Variants in CCS observed in about 807,000 individuals in gnomAD.
CCS encodes copper chaperone for superoxide dismutase, also known as superoxide dismutase copper chaperone.
Under a neutral mutation model 35.5 loss-of-function variants are expected in CCS, and 32 were observed. That is an observed-to-expected ratio of 0.90 (90% CI 0.68 to 1.21). The LOEUF (loss-of-function observed/expected upper bound fraction) is 1.21. Ranked by LOEUF, CCS falls within the 50% of genes most tolerant of loss-of-function variation. CCS has a pLI of 0.00. For missense variants in CCS, 342 were observed against 375.4 expected (o/e 0.91, Z 0.73); for synonymous variants, 130 against 147.2 (o/e 0.88, Z 0.84).
chr11:66,599,254 G>A lies in CCS; in HGVS notation c.250+1G>A, dbSNP rs746825506. 1.5e-5 allele frequency: 24 copies of A among 1,599,508 alleles called. No individual in the cohort carries two copies. Among genetic ancestry groups the A allele is most frequent in the Middle Eastern group, 1.7e-4 (1 of 5,980 alleles). ...AAGGGCATGGGCAGCGGCCAGTTGC[G>A]TGAGTGACCACTGTGGCCTTGGCCC... is the stretch of plus-strand genomic sequence containing the variant. On this transcript the variant is annotated splice_donor_variant, in intron 3 of 7. Transcript: ENST00000533244. LOFTEE classifies it high-confidence loss of function.
Position 66,605,701 on chromosome 11 carries a change from G to C in CCS, c.672-1G>C, listed in dbSNP as rs1172053810. On this transcript the variant is annotated splice_acceptor_variant, in intron 7 of 7. Coordinates refer to ENST00000533244, the MANE Select transcript of CCS (RefSeq NM_005125.2). LOFTEE classifies it high-confidence loss of function. ...ACCCCTGACCACACATTCTTCTGCA[G>C]GTTGGCCTGTGGCATCATTGCACGC... The C allele has an allele frequency of 1.9e-6, 3 of 1,581,432 alleles. No homozygotes were observed. The South Asian group carries it at 3.4e-5, about 18-fold the overall frequency.
chr11:66,597,751 CAAA>C (rs1313468590), intron 2 of CCS, among the ~76,000 whole-genome samples: 1 of 122,110 alleles, frequency 8.2e-6, no homozygotes. Flanking sequence ...GACTCTGTCT[CAAA>C]AAAAAAAAAA....
intron 5 of CCS, among the ~76,000 whole-genome samples, 154 bp downstream of exon 5, chr11:66,600,703 C>T (rs182307726): frequency 6.6e-4 from 101 of 152,298 alleles, no homozygotes; most frequent in South Asian, 1.5e-3. Context: ...CATTTGTTGA[C>T]ACTTTCTGTG....
chr11:66,604,349 G>A (rs1286834700), intron 5 of CCS, among the ~76,000 whole-genome samples: 1 of 152,210 alleles, frequency 6.6e-6, no homozygotes, highest in East Asian at 1.9e-4. Context: ...ACCAGGTGCA[G>A]GCAGCAGATA....
At chr11:66,602,619 T>C (rs1453845797) in intron 5 of CCS, among the ~76,000 whole-genome samples, 1 of 152,186 alleles carries the variant, frequency 6.6e-6, no homozygotes, top group Non-Finnish European at 1.5e-5. Flanking sequence ...GAAGTAGGCA[T>C]TGAAGAGGGT....
intron 5 of CCS, among the ~76,000 whole-genome samples, chr11:66,604,043 TA>T (rs1565062385): frequency 8.7e-5 from 13 of 149,288 alleles, no homozygotes; most frequent in African/African-American, 2.5e-4. Context: ...AATAAATAAA[TA>T]AATAAATAAA....
intron 1 of CCS, 39 bp downstream of exon 1, chr11:66,593,339 A>G (rs1160087963): frequency 6.7e-7 from 1 of 1,488,308 alleles, no homozygotes; most frequent in Non-Finnish European, 9.0e-7. Context: ...CGCCGGGCAG[A>G]GAGCCTCGGC....
chr11:66,598,516 A>G (rs1394995149), intron 2 of CCS, among the ~76,000 whole-genome samples: 5 of 148,454 alleles, frequency 3.4e-5, no homozygotes, highest in African/African-American at 1.2e-4. Context: ...TCTGTTTCAA[A>G]AAAAAAAAAA....
At chr11:66,597,693 A>G (rs571994773) in intron 2 of CCS, among the ~76,000 whole-genome samples, 5 of 151,862 alleles carry the variant, frequency 3.3e-5, no homozygotes, top group Non-Finnish European at 5.9e-5. Flanking sequence ...TGAAGCTTGC[A>G]GTGAGCCCAG....
chr11:66,603,023 T>C (rs1391173658), intron 5 of CCS, among the ~76,000 whole-genome samples: 1 of 152,246 alleles, frequency 6.6e-6, no homozygotes, highest in Non-Finnish European at 1.5e-5. Flanking sequence ...AGTCTTTACT[T>C]TTCATAGACT....
At position 66,600,473 on chromosome 11, in the gene CCS, T is replaced by C; in HGVS notation, c.429-16T>C. ...GTGAGCTGCTTTCCTGCCCACCTGT[T>C]TCCTTTCTTTCTTAGCTGTGGGAAT... On this transcript the variant is annotated splice_polypyrimidine_tract_variant and intron_variant, in intron 4 of 7. Coordinates refer to ENST00000533244, the MANE Select transcript of CCS (RefSeq NM_005125.2). 6.6e-7 allele frequency: 1 copy of C among 1,507,662 alleles called. No homozygotes were observed. Among genetic ancestry groups the C allele is most frequent in the Non-Finnish European group, 8.9e-7 (1 of 1,122,486 alleles). 93.4% of individuals were successfully genotyped at this position (1,507,662 alleles called of 1,614,324 possible). A position where few individuals can be genotyped will look rare whatever the true frequency, so the allele number is the denominator to read the frequency against.
At chr11:66,600,572 G>A (rs759352362) in intron 5 of CCS, 23 bp downstream of exon 5, 2 of 1,443,646 alleles carry the variant, frequency 1.4e-6, no homozygotes, top group Admixed American at 2.3e-5. Context: ...CTGGGTTTGG[G>A]CTTGGGCTGA....
At chr11:66,601,056 G>A (rs1858564312) in intron 5 of CCS, among the ~76,000 whole-genome samples, 1 of 152,162 alleles carries the variant, frequency 6.6e-6, no homozygotes, top group Non-Finnish European at 1.5e-5. Context: ...CCTTATCTGA[G>A]TACTAGTTGT....
At chr11:66,598,977 A>T in intron 2 of CCS, 139 bp from the exon 3 acceptor site, 1 of 926,212 alleles carries the variant, frequency 1.1e-6, no homozygotes. Flanking sequence ...TCAGGGTTAC[A>T]CAGTTACGAA....
At chr11:66,593,835 A>AAG in intron 2 of CCS, 121 bp downstream of exon 2, 2 of 914,078 alleles carry the variant, frequency 2.2e-6, no homozygotes, top group Non-Finnish European at 3.4e-6. Flanking sequence ...CAGAGAGTGA[A>AAG]AGGCATGTTC....
intron 5 of CCS, among the ~76,000 whole-genome samples, chr11:66,604,018 G>A (rs551634090): frequency 1.7e-4 from 25 of 151,282 alleles, no homozygotes; most frequent in South Asian, 4.2e-4. Context: ...AACAGAGTGA[G>A]ACTCTGTCTC....
chr11:66,603,550 A>C lies in CCS; in HGVS notation c.490-1789A>C, dbSNP rs573483671. ...ACATGGTGAAACCCTGTCTCTATTA[A>C]AAATACAAAAGTTGGGCCGGGCACA... On this transcript the variant is annotated intron_variant, in intron 5 of 7. Coordinates refer to ENST00000533244, the MANE Select transcript of CCS (RefSeq NM_005125.2). Among the ~76,000 whole-genome samples the C allele has an allele frequency of 2.0e-5, 3 of 150,814 alleles. No homozygotes were observed. The South Asian group carries it at 6.3e-4, about 32-fold the overall frequency.
intron 1 of CCS, 105 bp from the exon 2 acceptor site, chr11:66,593,537 G>C (rs1858419359): frequency 8.1e-7 from 1 of 1,230,706 alleles, no homozygotes; most frequent in Admixed American, 2.0e-5. Flanking sequence ...GGTTAAGTGG[G>C]GCTTGTTCCC....
intron 5 of CCS, among the ~76,000 whole-genome samples, chr11:66,600,992 C>T (rs1858563471): frequency 6.6e-6 from 1 of 152,220 alleles, no homozygotes; most frequent in South Asian, 2.1e-4. Flanking sequence ...CATTTTTCAG[C>T]AGAGAATCAT....
Sources: gnomAD v4.1 joint callset for allele counts (sites outside exome capture counted in the v4.1 genomes callset) on GRCh38, gnomAD v4.1.1 for gene constraint, MANE v1.5 for transcripts, NCBI Gene and HGNC (gene_info 2026-07-23, HGNC 2026-07-21) for gene names.